Variants in CSMD1 observed in about 807,000 individuals in gnomAD.
The protein encoded by CSMD1 is CUB and Sushi multiple domains 1, also known as CUB and sushi domain-containing protein 1.
A neutral mutation model predicts 417.5 loss-of-function variants in CSMD1; 213 were observed. The observed-to-expected ratio is 0.51, with a 90% confidence interval of 0.46 to 0.57. CSMD1 has a LOEUF of 0.57. Among genes scored for constraint, CSMD1 ranks in the 20% least tolerant of loss-of-function variants. The pLI is 0.00. For synonymous variants in CSMD1, 2,862 were observed against 1,736.8 expected (o/e 1.65, Z -16.11); for missense variants, 6,923 against 4,529.7 (o/e 1.53, Z -15.17).
chr8:4,097,114 C>G (rs905635399), intron 3 of CSMD1, among the ~76,000 whole-genome samples: 2 of 152,170 alleles, frequency 1.3e-5, no homozygotes, highest in African/African-American at 4.8e-5. Context: ...GCCTTCCCCT[C>G]TCTGCACTCT....
chr8:3,190,459 C>A (rs1188104590), intron 33 of CSMD1, among the ~76,000 whole-genome samples: 1 of 152,088 alleles, frequency 6.6e-6, no homozygotes, highest in Non-Finnish European at 1.5e-5. Context: ...GATATTCAGG[C>A]GATTACATTT....
At chr8:4,033,333 T>G (rs1235783865) in intron 3 of CSMD1, among the ~76,000 whole-genome samples, 1 of 151,880 alleles carries the variant, frequency 6.6e-6, no homozygotes, top group Non-Finnish European at 1.5e-5. Context: ...TCCCAGCTAC[T>G]TGGGAGGCTG....
chr8:4,530,342 T>TTTTTTTTTTTTTTTTTTC (rs1796742754), intron 2 of CSMD1, among the ~76,000 whole-genome samples: 1 of 116,130 alleles, frequency 8.6e-6, no homozygotes, highest in Non-Finnish European at 1.9e-5. Flanking sequence ...TTTTTTTTTT[T>TTTTTTTTTTTTTTTTTTC]TTACTTTCAG....
intron 25 of CSMD1, among the ~76,000 whole-genome samples, chr8:3,299,875 C>T (rs1199444663): frequency 1.3e-5 from 2 of 152,174 alleles, no homozygotes; most frequent in Admixed American, 6.5e-5. Flanking sequence ...TAGAGACGCC[C>T]AATTTCTATG....
intron 18 of CSMD1, among the ~76,000 whole-genome samples, chr8:3,375,384 T>A (rs1037137387): frequency 4.6e-5 from 7 of 152,074 alleles, no homozygotes; most frequent in African/African-American, 1.7e-4. Flanking sequence ...GCCTGATCTG[T>A]TTCCATCTTT....
chr8:3,471,594 C>T (rs1052530631), intron 11 of CSMD1, among the ~76,000 whole-genome samples: 1 of 140,860 alleles, frequency 7.1e-6, no homozygotes, highest in Non-Finnish European at 1.5e-5. Flanking sequence ...TTCCTTCCCT[C>T]CCTCCTTCTT....
At chr8:4,266,362 A>G (rs1352585783) in intron 3 of CSMD1, among the ~76,000 whole-genome samples, 1 of 105,164 alleles carries the variant, frequency 9.5e-6, no homozygotes, top group African/African-American at 2.6e-5. Flanking sequence ...ACTTTTTAAT[A>G]TTTTCAAGAA....
intron 1 of CSMD1, among the ~76,000 whole-genome samples, chr8:4,724,462 T>C (rs1432349875): frequency 2.0e-5 from 3 of 151,938 alleles, no homozygotes; most frequent in Non-Finnish European, 2.9e-5. Flanking sequence ...TTACATTACT[T>C]ATAAGTAGCT....
chr8:4,557,452 G>A (rs1798145729), intron 2 of CSMD1, among the ~76,000 whole-genome samples: 1 of 150,986 alleles, frequency 6.6e-6, no homozygotes, highest in Non-Finnish European at 1.5e-5. Flanking sequence ...GAAATGAGAT[G>A]AAATACATTT....
chr8:4,371,590 C>T (rs1171229242), intron 3 of CSMD1, among the ~76,000 whole-genome samples: 2 of 152,076 alleles, frequency 1.3e-5, no homozygotes, highest in African/African-American at 4.8e-5. Flanking sequence ...ATTCAAAATG[C>T]TGATTTCTCT....
chr8:3,655,993 G>C (rs901025525), intron 7 of CSMD1, among the ~76,000 whole-genome samples: 1 of 152,132 alleles, frequency 6.6e-6, no homozygotes. Flanking sequence ...CACTGAAAGG[G>C]TTGGTGAAAT....
chr8:3,310,527 A>ATCTTGAATTTACATTAGGTATGCTGCT (rs1805248430), intron 23 of CSMD1, among the ~76,000 whole-genome samples: 1 of 152,208 alleles, frequency 6.6e-6, no homozygotes, highest in Admixed American at 6.5e-5. Flanking sequence ...ATCTTGCGCT[A>ATCTTGAATTTACATTAGGTATGCTGCT]TCTTGAATTT....
chr8:3,280,071 C>T (rs1457129304), intron 26 of CSMD1, among the ~76,000 whole-genome samples: 2 of 149,534 alleles, frequency 1.3e-5, no homozygotes, highest in South Asian at 2.1e-4. Flanking sequence ...CATCGGCCCC[C>T]GGGGTACCTG....
At chr8:4,092,275 C>T (rs946549114) in intron 3 of CSMD1, among the ~76,000 whole-genome samples, 1 of 152,076 alleles carries the variant, frequency 6.6e-6, no homozygotes, top group Middle Eastern at 3.2e-3. Context: ...TTCCAACCAA[C>T]TGAGTATGGG....
intron 24 of CSMD1, 132 bp downstream of exon 24, chr8:3,308,180 G>T: frequency 1.4e-6 from 1 of 707,284 alleles, no homozygotes; most frequent in Non-Finnish European, 2.3e-6. Context: ...GCAAATCTCA[G>T]AATACATAAA....
chr8:4,577,943 G>A (rs1050035318), intron 2 of CSMD1, among the ~76,000 whole-genome samples: 1 of 152,154 alleles, frequency 6.6e-6, no homozygotes, highest in Admixed American at 6.6e-5. Context: ...ATATTGGATG[G>A]CCAGAGAAAA....
rs754738855 is a variant in CSMD1 at position 2,938,636 on chromosome 8, G to A, written c.10644C>T (p.Ala3548=). The A allele has an allele frequency of 7.4e-6, 12 of 1,611,668 alleles. No homozygotes were observed. Among genetic ancestry groups the A allele is most frequent in the Admixed American group, 1.7e-5 (1 of 59,750 alleles). The stretch of plus-strand genomic sequence containing the variant: ...GAGTTGTGTCAAACCTCACAGCCTT[G>A]GCTTCTGTGGGTTTTAAGTTTGTAT... ...MYDTNLKPTE[A]KAVRFDTTLN... Residue 3548 remains alanine, a synonymous_variant, in exon 70 of 70, where the codon GCC becomes GCT. Coordinates refer to ENST00000635120, the MANE Select transcript of CSMD1 (RefSeq NM_033225.6).
chr8:4,257,879 T>C (rs1238083355), intron 3 of CSMD1, among the ~76,000 whole-genome samples: 1 of 152,248 alleles, frequency 6.6e-6, no homozygotes, highest in Non-Finnish European at 1.5e-5. Flanking sequence ...GATTATTCTG[T>C]TGCCTCTGTT....
intron 1 of CSMD1, among the ~76,000 whole-genome samples, chr8:4,670,144 T>G (rs1209174619): frequency 2.6e-5 from 4 of 152,118 alleles, no homozygotes; most frequent in Non-Finnish European, 5.9e-5. Flanking sequence ...GAAATATAGT[T>G]TTTCATCTCC....
Sources: gnomAD v4.1 joint callset for allele counts (sites outside exome capture counted in the v4.1 genomes callset) on GRCh38, gnomAD v4.1.1 for gene constraint, MANE v1.5 for transcripts, NCBI Gene and HGNC (gene_info 2026-07-23, HGNC 2026-07-21) for gene names.